The following RABGAP1L variants were observed in gnomAD, a reference collection of about 807,000 sequenced individuals.
RABGAP1L encodes the protein RAB GTPase activating protein 1 like.
Under a neutral mutation model 137.7 loss-of-function variants are expected in RABGAP1L, and 63 were observed. The ratio of observed to expected loss-of-function variants is 0.46; its 90% CI spans 0.37 to 0.56. The LOEUF (loss-of-function observed/expected upper bound fraction) is 0.56, where lower values mean the gene tolerates loss of function less well. RABGAP1L is among the 20% of genes least tolerant of loss of function. The pLI, the probability that RABGAP1L is intolerant of heterozygous loss-of-function variation, is 0.00. For missense variants in RABGAP1L, 1,095 were observed against 1,244.0 expected, an observed-to-expected ratio of 0.88 and a Z score of 1.80; for synonymous variants, 431 against 433.7, an observed-to-expected ratio of 0.99 and a Z score of 0.08.
intron 1 of RABGAP1L, among the ~76,000 whole-genome samples, chr1:174,190,086 T>C (rs1173823769): frequency 2.6e-5 from 4 of 152,068 alleles, no homozygotes; most frequent in Non-Finnish European, 5.9e-5. Context: ...GGGTGGATCA[T>C]GAGGTCAGGG....
chr1:174,848,827 T>C lies in RABGAP1L; in HGVS notation c.2340+36867T>C, dbSNP rs1349545380. Among the ~76,000 whole-genome samples, 361 of 150,424 alleles carry C rather than the reference T, an allele frequency of 2.4e-3. 4 individuals carry two copies. Among genetic ancestry groups the C allele is most frequent in the African/African-American group, 6.7e-3 (271 of 40,448 alleles). ...CAATGGCGGGCGCCCCTCCCCCAGC[T>C]TCGCTGCCGCCTTGCAGTTTGATCT... On this transcript the variant is annotated intron_variant, in intron 19 of 25. Transcript: ENST00000681986.
rs530751240 is a variant in RABGAP1L at position 174,239,690 on chromosome 1, C to G, written c.543-1793C>G. Among the ~76,000 whole-genome samples, 3 of 152,154 alleles carry G rather than the reference C, an allele frequency of 2.0e-5. No homozygotes were observed. In the South Asian group the frequency reaches 6.2e-4, roughly 32 times the overall value. ...AATAGTTTCTTTATATTTTTCCCTG[C>G]TGTAGCTTCAGTGGCTAGGGAAGTA... On this transcript the variant is annotated intron_variant, in intron 4 of 25. Coordinates refer to ENST00000681986, the MANE Select transcript of RABGAP1L (RefSeq NM_001366446.1).
rs370282715 is a variant in RABGAP1L at position 174,374,187 on chromosome 1, C to T, written c.1559+3115C>T. On this transcript the variant is annotated intron_variant, in intron 12 of 25. Coordinates refer to ENST00000681986, the MANE Select transcript of RABGAP1L (RefSeq NM_001366446.1). ...GGCTGCTACTGTTACGTGGTTTCTT[C>T]CTTTCCCACTTCAAGTTATTTGCTG... 2.0e-5 allele frequency among the ~76,000 whole-genome samples: 3 copies of T among 152,282 alleles called. No homozygotes were observed. The East Asian group carries it at 5.8e-4, about 29-fold the overall frequency.
At chr1:174,270,253 GT>G (rs1674442013) in intron 7 of RABGAP1L, among the ~76,000 whole-genome samples, 1 of 151,746 alleles carries the variant, frequency 6.6e-6, no homozygotes, top group African/African-American at 2.4e-5. Context: ...TCAAAATAAG[GT>G]GATGAGTATT....
chr1:174,891,729 G>T (rs920548791), intron 19 of RABGAP1L, among the ~76,000 whole-genome samples: 9 of 151,910 alleles, frequency 5.9e-5, no homozygotes, highest in Non-Finnish European at 1.0e-4. Context: ...GGTCTTGAAC[G>T]CCTGGCTTCA....
At chr1:174,431,985 T>G (rs975136613) in intron 13 of RABGAP1L, among the ~76,000 whole-genome samples, 4 of 152,190 alleles carry the variant, frequency 2.6e-5, no homozygotes, top group African/African-American at 4.8e-5. Flanking sequence ...TATTTAAGAT[T>G]CAGGGATACA....
chr1:174,558,909 A>G (rs1015853070), intron 13 of RABGAP1L, among the ~76,000 whole-genome samples: 2 of 152,186 alleles, frequency 1.3e-5, no homozygotes, highest in Non-Finnish European at 2.9e-5. Context: ...CAGAGTAAAG[A>G]ATGGAAGAAA....
intron 19 of RABGAP1L, among the ~76,000 whole-genome samples, chr1:174,885,281 G>C (rs1010936105): frequency 6.6e-6 from 1 of 152,010 alleles, no homozygotes; most frequent in African/African-American, 2.4e-5. Flanking sequence ...AATTAAATCA[G>C]TAATATATGT....
At chr1:174,653,565 C>T (rs1675725556) in intron 14 of RABGAP1L, among the ~76,000 whole-genome samples, 1 of 152,136 alleles carries the variant, frequency 6.6e-6, no homozygotes, top group Non-Finnish European at 1.5e-5. Context: ...TGTGAGGTGA[C>T]ACCCCACCCT....
chr1:174,599,373 G>A (rs1299908116), intron 13 of RABGAP1L, among the ~76,000 whole-genome samples: 1 of 152,158 alleles, frequency 6.6e-6, no homozygotes, highest in Non-Finnish European at 1.5e-5. Flanking sequence ...GTAGTTTACA[G>A]ACCACTGTTA....
chr1:174,822,130 G>A (rs1005754281), intron 19 of RABGAP1L, among the ~76,000 whole-genome samples: 7 of 152,138 alleles, frequency 4.6e-5, no homozygotes, highest in African/African-American at 7.2e-5. Flanking sequence ...GCATGGTGGC[G>A]CACGCCTGTA....
intron 11 of RABGAP1L, among the ~76,000 whole-genome samples, chr1:174,342,969 C>T (rs1311105787): frequency 6.6e-6 from 1 of 152,218 alleles, no homozygotes; most frequent in Non-Finnish European, 1.5e-5. Context: ...GATCTTTTGA[C>T]CTCAGGTGAT....
Position 174,355,634 on chromosome 1 carries a change from AAAAG to A in RABGAP1L, c.1466-15340_1466-15337del, listed in dbSNP as rs1469750366. On this transcript the variant is annotated intron_variant, in intron 11 of 25. Coordinates refer to ENST00000681986, the MANE Select transcript of RABGAP1L (RefSeq NM_001366446.1). Reference sequence around the variant, plus strand: ...TATAATAATAATAAAATTTAAAAAAAAAAGAAAGCATTTTCCTTAATATTGTTAG... The same window carrying A: ...TATAATAATAATAAAATTTAAAAAAAAAAGCATTTTCCTTAATATTGTTAG... 6.6e-5 allele frequency among the ~76,000 whole-genome samples: 10 copies of A among 152,276 alleles called. No homozygotes were observed. The South Asian group carries it at 1.9e-3, about 28-fold the overall frequency.
At chr1:174,442,679 CAG>C (rs996751009) in intron 13 of RABGAP1L, among the ~76,000 whole-genome samples, 13 of 152,060 alleles carry the variant, frequency 8.5e-5, no homozygotes, top group Non-Finnish European at 1.5e-4. Flanking sequence ...ATGATCAAAT[CAG>C]GGAAATTGGG....
chr1:174,522,287 A>G (rs894602608), intron 13 of RABGAP1L, among the ~76,000 whole-genome samples: 16 of 152,156 alleles, frequency 1.1e-4, no homozygotes, highest in African/African-American at 3.9e-4. Context: ...GCTATAAAGA[A>G]ATACTTGAGT....
At chr1:174,640,455 G>T (rs1479601065) in intron 14 of RABGAP1L, among the ~76,000 whole-genome samples, 1 of 152,018 alleles carries the variant, frequency 6.6e-6, no homozygotes, top group Non-Finnish European at 1.5e-5. Flanking sequence ...AGCTGCCTGT[G>T]TGTAACCTTT....
chr1:174,308,736 C>G (rs1678539835), intron 11 of RABGAP1L, among the ~76,000 whole-genome samples: 1 of 152,018 alleles, frequency 6.6e-6, no homozygotes, highest in Non-Finnish European at 1.5e-5. Flanking sequence ...GTCTATATGT[C>G]TGTTTTTATG....
intron 13 of RABGAP1L, among the ~76,000 whole-genome samples, chr1:174,417,418 A>G (rs868421223): frequency 3.5e-4 from 53 of 152,320 alleles, no homozygotes; most frequent in African/African-American, 1.2e-3. Flanking sequence ...CAATCTTGCG[A>G]ATGTTGGGGG....
intron 13 of RABGAP1L, among the ~76,000 whole-genome samples, chr1:174,607,295 TG>T (rs1429153870): frequency 6.6e-6 from 1 of 152,222 alleles, no homozygotes; most frequent in African/African-American, 2.4e-5. Context: ...AATATTATCA[TG>T]CCCTCCACTT....
Sources: allele counts gnomAD v4.1 joint callset (sites outside exome capture counted in the v4.1 genomes callset), GRCh38; gene constraint gnomAD v4.1.1; transcripts MANE v1.5; gene names NCBI Gene and HGNC (gene_info 2026-07-23, HGNC 2026-07-21).